The following C11orf65 variants were observed in gnomAD, a reference collection of about 807,000 sequenced individuals.
C11orf65 encodes protein MFI.
Under a neutral mutation model 35.3 loss-of-function variants are expected in C11orf65, and 38 were observed. The observed-to-expected ratio is 1.08, with a 90% CI of 0.83 to 1.41. The LOEUF (loss-of-function observed/expected upper bound fraction) is 1.41. Among genes scored for constraint, C11orf65 ranks in the 40% most tolerant of loss-of-function variants. The pLI is 0.00. For synonymous variants in C11orf65, 105 were observed against 114.4 expected (o/e 0.92, Z 0.53); for missense variants, 370 against 367.1 (o/e 1.01, Z -0.06).
Position 108,332,718 on chromosome 11 carries a change from G to A in C11orf65, c.300-1151C>T. ...TTTTCTAACTCTGAGAAGTTTAAAT[G>A]TTGGGTAGTTCCTTATGTAATGTTT... On this transcript the variant is annotated intron_variant, in intron 3 of 3. Coordinates refer to the C11orf65 transcript ENST00000524755. 3 of 1,591,444 alleles carry A rather than the reference G, an allele frequency of 1.9e-6. No homozygotes were observed. The South Asian group carries it at 3.3e-5, about 18-fold the overall frequency.
At chr11:108,439,016 A>T (rs939453196) in intron 2 of C11orf65, among the ~76,000 whole-genome samples, 17 of 152,098 alleles carry the variant, frequency 1.1e-4, no homozygotes, top group Non-Finnish European at 2.1e-4. Context: ...AAAAAAAAAA[A>T]TTAAAACTTT....
At chr11:108,312,800 A>G (rs1471889813) in intron 6 of C11orf65, among the ~76,000 whole-genome samples, 12 of 152,144 alleles carry the variant, frequency 7.9e-5, no homozygotes, top group Admixed American at 7.2e-4. Context: ...TATAGCACTT[A>G]GGGTTTATAA....
At chr11:108,370,351 T>A (rs2091524001) in intron 2 of C11orf65, among the ~76,000 whole-genome samples, 1 of 152,086 alleles carries the variant, frequency 6.6e-6, no homozygotes, top group Non-Finnish European at 1.5e-5. Flanking sequence ...ATTTTCTATA[T>A]ATATAGTCAT....
At chr11:108,421,767 T>C (rs1160677338) in intron 3 of C11orf65, among the ~76,000 whole-genome samples, 1 of 152,208 alleles carries the variant, frequency 6.6e-6, no homozygotes, top group Admixed American at 6.5e-5. Context: ...GGGCCTTTGT[T>C]TCCACAGCTG....
intron 2 of C11orf65, chr11:108,368,330 C>G: frequency 5.0e-6 from 1 of 201,300 alleles, no homozygotes. Context: ...GGAACTCTTT[C>G]TGCAAATGAC....
intron 6 of C11orf65, among the ~76,000 whole-genome samples, chr11:108,318,646 A>C (rs1366782535): frequency 6.6e-6 from 1 of 151,900 alleles, no homozygotes; most frequent in African/African-American, 2.4e-5. Flanking sequence ...CCAAGATTGC[A>C]CCACTGCACC....
At chr11:108,326,411 C>T (rs2085690959), downstream of C11orf65, among the ~76,000 whole-genome samples, 1 of 152,130 alleles carries the variant, frequency 6.6e-6, no homozygotes, top group South Asian at 2.1e-4. Context: ...TCCTATATAT[C>T]ACAATTCTAT....
chr11:108,452,628 G>A (rs143321936), intron 2 of C11orf65, among the ~76,000 whole-genome samples: 1 of 152,152 alleles, frequency 6.6e-6, no homozygotes, highest in Non-Finnish European at 1.5e-5. Context: ...AATACCATTT[G>A]AGCCAGCCAT....
chr11:108,425,949 G>A (rs151302963), intron 3 of C11orf65, among the ~76,000 whole-genome samples: 1,980 of 152,126 alleles, frequency 0.013, 47 homozygotes, highest in African/African-American at 0.044. Flanking sequence ...ATTCAACACC[G>A]CTTCGTGCTA....
intron 2 of C11orf65, among the ~76,000 whole-genome samples, chr11:108,441,476 G>A (rs558042435): frequency 1.6e-4 from 25 of 152,158 alleles, no homozygotes; most frequent in Non-Finnish European, 3.2e-4. Context: ...AAGAGTAGTT[G>A]TTATCCCAGC....
chr11:108,397,879 G>C (rs2092355630), intron 6 of C11orf65, among the ~76,000 whole-genome samples: 1 of 152,214 alleles, frequency 6.6e-6, no homozygotes, highest in South Asian at 2.1e-4. Flanking sequence ...GCTCTGTAGG[G>C]ACTCAAAGTT....
chr11:108,462,654 A>T (rs2135774250), intron 1 of C11orf65: 1 of 152,348 alleles, frequency 6.6e-6, no homozygotes, highest in Non-Finnish European at 1.5e-5. Context: ...ATGTGGTCAA[A>T]TATAAAAGGA....
At chr11:108,321,148 T>C (rs1487246625) in intron 6 of C11orf65, among the ~76,000 whole-genome samples, 1 of 152,200 alleles carries the variant, frequency 6.6e-6, no homozygotes, top group Non-Finnish European at 1.5e-5. Context: ...TGTATTTTGT[T>C]TCCACTGCTA....
intron 2 of C11orf65, among the ~76,000 whole-genome samples, chr11:108,369,914 G>C (rs1287157863): frequency 6.6e-6 from 1 of 152,104 alleles, no homozygotes; most frequent in Non-Finnish European, 1.5e-5. Flanking sequence ...TTTCTCTGAT[G>C]AACTGCCTGT....
In C11orf65 at chr11:108,331,553, ATAATG is replaced by A. The variant is rs876660041; in HGVS notation, c.309_313del (p.His104LeufsTer5). 5 of 1,610,726 alleles carry A rather than the reference ATAATG, an allele frequency of 3.1e-6. No individual in the cohort carries two copies. Among genetic ancestry groups the A allele is most frequent in the Non-Finnish European group, 3.4e-6 (4 of 1,178,694 alleles). ...GGCCTAGGATTTCATGAAGTCCTCAATAATGTAAGTAAACCTGAAAATCAAACCAC... is the reference window on the plus strand; with the variant it reads ...GGCCTAGGATTTCATGAAGTCCTCAATAAGTAAACCTGAAAATCAAACCAC... On this transcript the variant is annotated frameshift_variant, in exon 4 of 4. Coordinates refer to the C11orf65 transcript ENST00000524755. LOFTEE classifies it high-confidence loss of function.
At chr11:108,378,090 C>G (rs1348924838), downstream of C11orf65, among the ~76,000 whole-genome samples, 3 of 152,056 alleles carry the variant, frequency 2.0e-5, no homozygotes, top group East Asian at 3.9e-4. Flanking sequence ...CCATCCTCAT[C>G]AAGCTACCAA....
At chr11:108,415,905 C>T (rs910794835) in intron 3 of C11orf65, among the ~76,000 whole-genome samples, 12 of 151,852 alleles carry the variant, frequency 7.9e-5, no homozygotes, top group African/African-American at 2.9e-4. Flanking sequence ...TTGGACATTG[C>T]GGGAATCCAC....
chr11:108,455,603 G>A (rs1307356673), intron 2 of C11orf65, among the ~76,000 whole-genome samples: 2 of 151,470 alleles, frequency 1.3e-5, no homozygotes, highest in Non-Finnish European at 2.9e-5. Context: ...GGATCACGAG[G>A]TCAGGAGTTC....
chr11:108,317,788 A>G (rs1326631809), intron 6 of C11orf65, among the ~76,000 whole-genome samples: 1 of 151,320 alleles, frequency 6.6e-6, no homozygotes, highest in Non-Finnish European at 1.5e-5. Context: ...TAAGATAGCA[A>G]TAAGCAGTTA....
Sources: allele counts gnomAD v4.1 joint callset (sites outside exome capture counted in the v4.1 genomes callset), GRCh38; gene constraint gnomAD v4.1.1; transcripts MANE v1.5; gene names NCBI Gene and HGNC (gene_info 2026-07-23, HGNC 2026-07-21).